TBXAS1: variants seen among roughly 807,000 people sequenced by gnomAD.
TBXAS1 encodes thromboxane A synthase 1, also known as thromboxane-A synthase.
A neutral mutation model predicts 60.7 loss-of-function variants in TBXAS1; 48 were observed. The ratio of observed to expected loss-of-function variants is 0.79; its 90% CI spans 0.63 to 1.01. The LOEUF (loss-of-function observed/expected upper bound fraction) is 1.01, where lower values mean the gene tolerates loss of function less well. TBXAS1 is among the 50% of genes least tolerant of loss of function. The pLI is 0.00. For synonymous variants in TBXAS1, 287 were observed against 269.7 expected (o/e 1.06, Z -0.63); for missense variants, 685 against 686.3 (o/e 1.00, Z 0.02).
At chr7:139,946,614 G>C (rs1380544565) in intron 5 of TBXAS1, among the ~76,000 whole-genome samples, 3 of 152,180 alleles carry the variant, frequency 2.0e-5, no homozygotes, top group African/African-American at 7.2e-5. Context: ...AGTTGTCCCT[G>C]AGGAACAAGA....
chr7:139,930,100 G>A (rs994846203), intron 4 of TBXAS1, among the ~76,000 whole-genome samples: 1 of 152,036 alleles, frequency 6.6e-6, no homozygotes, highest in Non-Finnish European at 1.5e-5. Context: ...GGGTCCTCAC[G>A]CACATGATGC....
intron 5 of TBXAS1, among the ~76,000 whole-genome samples, chr7:139,942,838 A>G (rs1584913006): frequency 6.6e-6 from 1 of 152,334 alleles, no homozygotes; most frequent in South Asian, 2.1e-4. Context: ...CACAGTCAAT[A>G]ATGTATGAAT....
intron 5 of TBXAS1, among the ~76,000 whole-genome samples, chr7:139,944,465 T>C (rs1360203125): frequency 2.6e-5 from 4 of 152,204 alleles, no homozygotes; most frequent in African/African-American, 9.6e-5. Flanking sequence ...CGAGGAGCTA[T>C]TAAATACTTG....
rs141298701 is a variant in TBXAS1 at position 139,955,626 on chromosome 7, C to T, written c.688+19C>T. On this transcript the variant is annotated intron_variant, in intron 7 of 12. Coordinates refer to ENST00000448866, the MANE Select transcript of TBXAS1 (RefSeq NM_001061.7). The stretch of plus-strand genomic sequence containing the variant: ...TTACTCTGTAAGTGCGGCTGCAGCC[C>T]GGGGCGCTGCGATGACTCCAGCAAG... The T allele has an allele frequency of 5.1e-3, 8,226 of 1,613,506 alleles. 42 individuals carry two copies. Among genetic ancestry groups the T allele is most frequent in the Non-Finnish European group, 4.9e-3 (5,767 of 1,179,972 alleles).
At chr7:139,850,512 G>T (rs910973789) in intron 1 of TBXAS1, among the ~76,000 whole-genome samples, 1 of 152,194 alleles carries the variant, frequency 6.6e-6, no homozygotes, top group African/African-American at 2.4e-5. Context: ...TATTATTTGG[G>T]CCTTTTCCAG....
In TBXAS1 at chr7:139,916,523, A is replaced by G. The variant is rs1473297966; in HGVS notation, c.333+5202A>G. On this transcript the variant is annotated intron_variant, in intron 4 of 12. Coordinates refer to ENST00000448866, the MANE Select transcript of TBXAS1 (RefSeq NM_001061.7). The surrounding 1 kb of genome is among the most constrained non-coding windows in gnomAD (Gnocchi z 4.2). Reference sequence around the variant, plus strand: ...TGTGATGGACGTGGTGGGTGGTTTTATCCCGAACCATCAATACCCGGCACC... The same window carrying G: ...TGTGATGGACGTGGTGGGTGGTTTTGTCCCGAACCATCAATACCCGGCACC... Among the ~76,000 whole-genome samples, 1 of 152,146 alleles carries G rather than the reference A, an allele frequency of 6.6e-6. No individual in the cohort carries two copies. The highest frequency in any genetic ancestry group is 2.1e-4 in the South Asian group (1 of 4,824).
chr7:140,017,337 C>A (rs1351727381), intron 11 of TBXAS1, among the ~76,000 whole-genome samples: 7 of 152,168 alleles, frequency 4.6e-5, no homozygotes, highest in Non-Finnish European at 8.8e-5. Flanking sequence ...ATCACCAAAC[C>A]CTGGGGTTCA....
In TBXAS1 at chr7:140,020,054, C is replaced by A. The variant is rs1167496034; in HGVS notation, c.1557C>A (p.Ala519=). 1 of 1,613,708 alleles carries A rather than the reference C, an allele frequency of 6.2e-7. No homozygotes were observed. Among genetic ancestry groups the A allele is most frequent in the Non-Finnish European group, 8.5e-7 (1 of 1,179,912 alleles). ...QVPLQLESKS[A]LGPKNGVYIK... is the part of the protein sequence containing the mutation. ...CGCTGCAGCTAGAATCCAAATCTGC[C>A]CTAGGTCCAAAAAATGGTGTCTATA... Residue 519 remains alanine (A), a synonymous_variant, in exon 13 of 13, where the codon GCC becomes GCA. Transcript: ENST00000448866.
intron 1 of TBXAS1, among the ~76,000 whole-genome samples, chr7:139,854,785 T>C (rs1800469344): frequency 6.6e-6 from 1 of 152,180 alleles, no homozygotes; most frequent in African/African-American, 2.4e-5. Flanking sequence ...ATAACAAGCA[T>C]GTGAAGGCAG....
chr7:139,819,559 G>C (rs1376618247), intron 4 of TBXAS1, among the ~76,000 whole-genome samples: 1 of 152,184 alleles, frequency 6.6e-6, no homozygotes, highest in African/African-American at 2.4e-5. Flanking sequence ...CTGGAGTGCA[G>C]TGGCACTATC....
intron 4 of TBXAS1, chr7:139,913,383 C>A (rs938213301): frequency 4.8e-5 from 24 of 495,770 alleles, no homozygotes; most frequent in Non-Finnish European, 8.5e-5. Context: ...GTGCACGGAC[C>A]ACCAAGCCAC....
In TBXAS1 at chr7:139,914,168, T is replaced by G. The variant is rs2117064172; in HGVS notation, c.333+2847T>G. ...CCTCAGCCTCCTAGGTAGCTGGGAC[T>G]GCATGTGTGTGCCACCATGCCTGGC... On this transcript the variant is annotated intron_variant, in intron 4 of 12. Coordinates refer to ENST00000448866, the MANE Select transcript of TBXAS1 (RefSeq NM_001061.7). 1.3e-5 allele frequency: 2 copies of G among 151,860 alleles called. 1 individual carries two copies. The highest frequency in any genetic ancestry group is 1.3e-4 in the Admixed American group (2 of 15,228). 9.4% of individuals were successfully genotyped at this position (151,860 alleles called of 1,614,324 possible). A position where few individuals can be genotyped will look rare whatever the true frequency, so the allele number is the denominator to read the frequency against.
chr7:139,958,704 G>T (rs1441665318), intron 8 of TBXAS1, among the ~76,000 whole-genome samples: 1 of 152,244 alleles, frequency 6.6e-6, no homozygotes, highest in Admixed American at 6.5e-5. Flanking sequence ...GTCCTGTGCA[G>T]CTTCACGCCC....
At chr7:140,015,990 A>T in intron 11 of TBXAS1, 130 bp downstream of exon 11, 1 of 1,264,124 alleles carries the variant, frequency 7.9e-7, no homozygotes. Context: ...AGTTATGGCA[A>T]TTCAGATAGA....
intron 9 of TBXAS1, among the ~76,000 whole-genome samples, chr7:139,963,698 T>G (rs1014449976): frequency 2.6e-5 from 4 of 152,172 alleles, no homozygotes; most frequent in African/African-American, 4.8e-5. Flanking sequence ...ATACATTTAG[T>G]TGCAGATAAC....
chr7:139,897,976 GAC>G (rs1245713271), intron 3 of TBXAS1, among the ~76,000 whole-genome samples: 2 of 152,204 alleles, frequency 1.3e-5, no homozygotes, highest in African/African-American at 4.8e-5. Flanking sequence ...AAAAGGGAAA[GAC>G]ACTCCATGAG....
At chr7:139,956,312 A>T (rs1012045664) in intron 7 of TBXAS1, among the ~76,000 whole-genome samples, 2 of 151,942 alleles carry the variant, frequency 1.3e-5, no homozygotes, top group Non-Finnish European at 2.9e-5. Context: ...ACGACCAGCT[A>T]ATTTTGTATT....
At chr7:139,809,571 G>C (rs763430717) in intron 4 of TBXAS1, among the ~76,000 whole-genome samples, 1 of 152,134 alleles carries the variant, frequency 6.6e-6, no homozygotes. Context: ...TAAAGGCCTC[G>C]GAACCTCAGA....
chr7:139,817,222 C>G (rs917630296), intron 4 of TBXAS1, among the ~76,000 whole-genome samples: 7 of 152,148 alleles, frequency 4.6e-5, no homozygotes, highest in African/African-American at 1.7e-4. Context: ...CCCAGCCCCC[C>G]ATCAGCTGTC....
Sources: allele counts gnomAD v4.1 joint callset (sites outside exome capture counted in the v4.1 genomes callset), GRCh38; gene constraint gnomAD v4.1.1; non-coding constraint Gnocchi (gnomAD v3.1); transcripts MANE v1.5; gene names NCBI Gene and HGNC (gene_info 2026-07-23, HGNC 2026-07-21).